ARB2A: variants seen among roughly 807,000 people sequenced by gnomAD.
The protein encoded by ARB2A is cotranscriptional regulator ARB2A.
At chr5:93,932,085 A>C in the ARB2A span, among the ~76,000 whole-genome samples, 1 of 152,170 alleles carries the variant, frequency 6.6e-6, no homozygotes, top group African/African-American at 2.4e-5. Context: ...AATTAGGATT[A>C]CCATTTTACC....
chr5:93,828,117 A>G, the ARB2A span, among the ~76,000 whole-genome samples: 1 of 152,086 alleles, frequency 6.6e-6, no homozygotes, highest in Admixed American at 6.5e-5. Flanking sequence ...GTTTTTTTCC[A>G]ATTCTGTGAA....
the ARB2A span, among the ~76,000 whole-genome samples, chr5:94,069,674 G>A: frequency 6.6e-6 from 1 of 152,078 alleles, no homozygotes; most frequent in African/African-American, 2.4e-5. Context: ...TGGCCAATAG[G>A]TATGTTAAAA....
chr5:93,715,394 C>G, the ARB2A span, among the ~76,000 whole-genome samples: 3 of 152,142 alleles, frequency 2.0e-5, no homozygotes, highest in Non-Finnish European at 4.4e-5. Context: ...TAAATTTTGT[C>G]ATAACATGTG....
At chr5:93,772,831 A>G in the ARB2A span, among the ~76,000 whole-genome samples, 1 of 152,158 alleles carries the variant, frequency 6.6e-6, no homozygotes, top group East Asian at 1.9e-4. Flanking sequence ...GCTGGTTTCC[A>G]TCACAGTGAG....
chr5:93,846,215 G>A, the ARB2A span, among the ~76,000 whole-genome samples: 1 of 152,038 alleles, frequency 6.6e-6, no homozygotes, highest in Non-Finnish European at 1.5e-5. Flanking sequence ...TATCTAAAGG[G>A]AGGCTGGGCC....
the ARB2A span, among the ~76,000 whole-genome samples, chr5:93,982,742 T>C: frequency 6.6e-6 from 1 of 152,080 alleles, no homozygotes; most frequent in Admixed American, 6.6e-5. Context: ...GACATAAGGG[T>C]GTATTTCTGT....
chr5:93,747,537 T>G, the ARB2A span, among the ~76,000 whole-genome samples: 1 of 152,166 alleles, frequency 6.6e-6, no homozygotes, highest in Non-Finnish European at 1.5e-5. Flanking sequence ...CTTTCAGCAT[T>G]TTAAACCTGA....
chr5:93,773,397 T>C, the ARB2A span, among the ~76,000 whole-genome samples: 11 of 152,174 alleles, frequency 7.2e-5, no homozygotes, highest in African/African-American at 2.7e-4. Context: ...ATAAGTAGTA[T>C]CTCTGCAATG....
the ARB2A span, among the ~76,000 whole-genome samples, chr5:93,940,549 AT>A: frequency 6.6e-6 from 1 of 152,118 alleles, no homozygotes; most frequent in Non-Finnish European, 1.5e-5. Flanking sequence ...TGAAATTAAT[AT>A]TTTTTAAATT....
the ARB2A span, among the ~76,000 whole-genome samples, chr5:93,817,364 G>A: frequency 3.3e-5 from 5 of 152,136 alleles, no homozygotes; most frequent in East Asian, 1.9e-4. Context: ...CCATTGTCAC[G>A]GATTAGAAGA....
chr5:94,068,862 CAAAAAAA>C, the ARB2A span, among the ~76,000 whole-genome samples: 1 of 62,352 alleles, frequency 1.6e-5, no homozygotes, highest in East Asian at 5.0e-4. Context: ...ACTAAAAATA[CAAAAAAA>C]AAAAAAAAAA....
At chr5:94,066,570 A>T in the ARB2A span, among the ~76,000 whole-genome samples, 525 of 152,222 alleles carry the variant, frequency 3.4e-3, 5 homozygotes, top group Non-Finnish European at 4.7e-3. Flanking sequence ...ACAACTGTAC[A>T]AGCTGGAAAA....
chr5:94,106,394 T>G, the ARB2A span, among the ~76,000 whole-genome samples: 1 of 152,052 alleles, frequency 6.6e-6, no homozygotes, highest in East Asian at 1.9e-4. Context: ...ATCACTGAGC[T>G]TTAGAGAAAT....
At chr5:93,727,708 A>T in the ARB2A span, among the ~76,000 whole-genome samples, 2 of 151,978 alleles carry the variant, frequency 1.3e-5, no homozygotes, top group Admixed American at 6.6e-5. Context: ...CATTATATAC[A>T]CTTTGGGGAT....
the ARB2A span, among the ~76,000 whole-genome samples, chr5:93,951,943 T>C: frequency 6.6e-6 from 1 of 152,214 alleles, no homozygotes; most frequent in Non-Finnish European, 1.5e-5. Context: ...CTGGAAGGTG[T>C]TGCAACTTCA....
At chr5:93,985,345 C>T in the ARB2A span, among the ~76,000 whole-genome samples, 1 of 151,916 alleles carries the variant, frequency 6.6e-6, no homozygotes. Flanking sequence ...AAAATATTCA[C>T]TAAGAAAAAC....
the ARB2A span, among the ~76,000 whole-genome samples, chr5:94,068,744 C>T: frequency 4.0e-5 from 6 of 151,360 alleles, no homozygotes; most frequent in Non-Finnish European, 5.9e-5. Context: ...CCCAGCTAGG[C>T]TTAGGAATTC....
the ARB2A span, among the ~76,000 whole-genome samples, chr5:93,774,686 T>C: frequency 1.3e-5 from 2 of 152,226 alleles, no homozygotes; most frequent in Non-Finnish European, 2.9e-5. Context: ...GAAGTGTTGC[T>C]AAGCACAAGA....
At chr5:93,891,675 G>A in the ARB2A span, among the ~76,000 whole-genome samples, 1 of 152,012 alleles carries the variant, frequency 6.6e-6, no homozygotes, top group Non-Finnish European at 1.5e-5. Context: ...ACCTTATTAT[G>A]AGTAACTGGC....
Sources: allele counts gnomAD v4.1 joint callset (sites outside exome capture counted in the v4.1 genomes callset), GRCh38; gene constraint gnomAD v4.1.1; transcripts MANE v1.5; gene names NCBI Gene and HGNC (gene_info 2026-07-23, HGNC 2026-07-21).